The following TEX11 variants were observed in gnomAD, a reference collection of about 807,000 sequenced individuals.
TEX11 encodes the protein testis-expressed protein 11.
TEX11 carries 7 observed loss-of-function variants against 84.4 expected under a neutral mutation model. That is an observed-to-expected ratio of 0.08 (90% CI 0.05 to 0.16). The LOEUF is 0.16. Among genes scored for constraint, TEX11 ranks in the 10% least tolerant of loss-of-function variants. TEX11 has a pLI of 1.00. For missense variants in TEX11, 551 were observed against 660.5 expected, an observed-to-expected ratio of 0.83 and a Z score of 1.82; for synonymous variants, 264 against 222.8, an observed-to-expected ratio of 1.18 and a Z score of -1.64.
intron 8 of TEX11, among the ~76,000 whole-genome samples, chrX:70,818,584 C>T (rs906013175): frequency 2.7e-5 from 3 of 110,731 alleles, no homozygotes; most frequent in African/African-American, 9.9e-5. Flanking sequence ...TGGACCTCAG[C>T]TGCTGGAGCC....
In TEX11 at chrX:70,758,532, C is replaced by G. The variant is rs1361889864; in HGVS notation, c.693-14313G>C. On this transcript the variant is annotated intron_variant, in intron 9 of 29. Transcript: ENST00000374333. ...TCCTGAATGACTACTGGGTAAATAA[C>G]AAAATGAAGGCAGAAATAAAGATGT... Among the ~76,000 whole-genome samples, 3 of 111,841 alleles carry G rather than the reference C, an allele frequency of 2.7e-5. No individual in the cohort carries two copies. The Admixed American group carries it at 2.9e-4, about 11-fold the overall frequency.
At chrX:70,806,181 G>A (rs955191409) in intron 9 of TEX11, among the ~76,000 whole-genome samples, 1 of 112,174 alleles carries the variant, frequency 8.9e-6, no homozygotes, top group Non-Finnish European at 1.9e-5. Flanking sequence ...CTGGTCAGGC[G>A]TGGTGGCTCA....
At chrX:70,676,889 C>G (rs1461261800) in intron 15 of TEX11, among the ~76,000 whole-genome samples, 4 of 111,871 alleles carry the variant, frequency 3.6e-5, no homozygotes, top group African/African-American at 1.3e-4. Context: ...GCTTCTCATC[C>G]TAAACAGAGT....
At chrX:70,843,034 C>T (rs959811139) in intron 7 of TEX11, among the ~76,000 whole-genome samples, 7 of 111,696 alleles carry the variant, frequency 6.3e-5, no homozygotes, top group African/African-American at 2.3e-4. Flanking sequence ...GAATCAATAT[C>T]GTGAAAATGG....
At chrX:70,903,928 C>T (rs752568630) in intron 2 of TEX11, among the ~76,000 whole-genome samples, 13 of 106,061 alleles carry the variant, frequency 1.2e-4, no homozygotes, top group Non-Finnish European at 2.1e-4. Context: ...TCAAGCGATC[C>T]TCCCACCTCT....
intron 28 of TEX11, among the ~76,000 whole-genome samples, chrX:70,539,821 T>C (rs987587839): frequency 9.0e-6 from 1 of 111,262 alleles, no homozygotes; most frequent in East Asian, 2.8e-4. Flanking sequence ...GTTCTCTGGG[T>C]TTTCTTTTTG....
At position 70,644,663 on chromosome X, in the gene TEX11, A is replaced by G. The variant is rs1380333329; in HGVS notation, c.1483+6787T>C. Among the ~76,000 whole-genome samples, 239 of 93,663 alleles carry G rather than the reference A, an allele frequency of 2.6e-3. 1 individual carries two copies. The highest frequency in any genetic ancestry group is 8.6e-3 in the African/African-American group (220 of 25,727). 81.3% of individuals were successfully genotyped at this position (93,663 alleles called of 115,157 possible). On this transcript the variant is annotated intron_variant, in intron 17 of 29. Coordinates refer to ENST00000374333, the MANE Select transcript of TEX11 (RefSeq NM_031276.3). ...TGGAAATCATCATTCTCAGTAAACT[A>G]TCGCAAGAACAAAAAACCAAACACC...
At chrX:70,886,618 C>G (rs2091710506) in intron 2 of TEX11, among the ~76,000 whole-genome samples, 1 of 111,947 alleles carries the variant, frequency 8.9e-6, no homozygotes, top group Non-Finnish European at 1.9e-5. Context: ...AATGATACAA[C>G]TCCAAAGCTA....
intron 23 of TEX11, 44 bp downstream of exon 23, chrX:70,606,915 C>A: frequency 1.1e-6 from 1 of 916,242 alleles, no homozygotes; most frequent in Non-Finnish European, 1.5e-6. Context: ...TGGTTATAGC[C>A]TTGTTGTGGT....
chrX:70,763,418 T>A (rs1481393675), intron 9 of TEX11, among the ~76,000 whole-genome samples: 1 of 110,594 alleles, frequency 9.0e-6, no homozygotes, highest in East Asian at 2.8e-4. Context: ...ATAAGAATGA[T>A]ATGATGGACT....
rs779158562 is a variant in TEX11 at position 70,726,799 on chromosome X, G to T, written c.844-1456C>A. ...ACCTGCCTCAGCCTCCCAAAGTGCA[G>T]GGATTACAGGCATGAGCCACCAGGC... On this transcript the variant is annotated intron_variant, in intron 11 of 29. Coordinates refer to ENST00000374333, the MANE Select transcript of TEX11 (RefSeq NM_031276.3). 9.2e-5 allele frequency among the ~76,000 whole-genome samples: 10 copies of T among 108,986 alleles called. No homozygotes were observed. In the South Asian group the frequency reaches 2.4e-3, roughly 26 times the overall value. 94.6% of individuals were successfully genotyped at this position (108,986 alleles called of 115,157 possible).
At chrX:70,529,214 T>G in intron 29 of TEX11, 27 bp from the exon 30 acceptor site, 1 of 1,129,872 alleles carries the variant, frequency 8.9e-7, no homozygotes, top group Non-Finnish European at 1.2e-6. Context: ...CAAATAGATT[T>G]CTTGAGGGGA....
At chrX:70,732,416 C>A (rs1301236967) in intron 11 of TEX11, among the ~76,000 whole-genome samples, 4 of 111,503 alleles carry the variant, frequency 3.6e-5, no homozygotes, top group Non-Finnish European at 7.5e-5. Flanking sequence ...CGTCTCAGCC[C>A]AAAATCTCCT....
At chrX:70,580,997 TTTTTG>T (rs922385541) in intron 25 of TEX11, among the ~76,000 whole-genome samples, 12 of 111,483 alleles carry the variant, frequency 1.1e-4, no homozygotes, top group Non-Finnish European at 2.1e-4. Flanking sequence ...TTTGTTTTTG[TTTTTG>T]TTTTGTTTTG....
intron 20 of TEX11, among the ~76,000 whole-genome samples, chrX:70,615,396 G>C (rs2089306887): frequency 9.0e-6 from 1 of 111,570 alleles, no homozygotes. Context: ...TGCAATTGAA[G>C]AATATATCAG....
intron 24 of TEX11, among the ~76,000 whole-genome samples, chrX:70,592,640 A>G (rs1455190753): frequency 9.0e-6 from 1 of 111,332 alleles, no homozygotes; most frequent in Non-Finnish European, 1.9e-5. Flanking sequence ...TGCTGGGAGC[A>G]GCAAGCCAAG....
chrX:70,750,120 A>G (rs1452488351), intron 9 of TEX11, among the ~76,000 whole-genome samples: 2 of 111,925 alleles, frequency 1.8e-5, no homozygotes, highest in Admixed American at 9.5e-5. Context: ...AAGGACATGA[A>G]CAGACACTTC....
intron 17 of TEX11, among the ~76,000 whole-genome samples, chrX:70,637,340 G>A (rs1285970897): frequency 8.9e-6 from 1 of 112,675 alleles, no homozygotes; most frequent in African/African-American, 3.2e-5. Context: ...TTCAACCATT[G>A]TGGAAGACAG....
chrX:70,591,754 T>C lies in TEX11; in HGVS notation c.2137A>G (p.Thr713Ala). Residue 713 changes from threonine to alanine, a missense_variant, in exon 25 of 30, where the codon ACA becomes GCA. Transcript: ENST00000374333. ...CNDIHNFLKQ[T>A]GTFSNDSCEK... ...AAACTTCCAGTTCCTACTGTACCTGTTTGTTTCAGGAAATTATGGATGTCA... is the reference window on the plus strand; with the variant it reads ...AAACTTCCAGTTCCTACTGTACCTGCTTGTTTCAGGAAATTATGGATGTCA... The C allele has an allele frequency of 8.3e-7, 1 of 1,203,271 alleles. No individual in the cohort carries two copies. Among genetic ancestry groups the C allele is most frequent in the Non-Finnish European group, 1.1e-6 (1 of 888,189 alleles).
Sources: gnomAD v4.1 joint callset for allele counts (sites outside exome capture counted in the v4.1 genomes callset) on GRCh38, gnomAD v4.1.1 for gene constraint, MANE v1.5 for transcripts, NCBI Gene and HGNC (gene_info 2026-07-23, HGNC 2026-07-21) for gene names.